Variants in CDH11 observed in about 807,000 individuals in gnomAD.
CDH11 encodes cadherin-11.
Under a neutral mutation model 67.8 loss-of-function variants are expected in CDH11, and 11 were observed. The ratio of observed to expected loss-of-function variants is 0.16; its 90% CI spans 0.10 to 0.27. The LOEUF (loss-of-function observed/expected upper bound fraction) is 0.27, where lower values mean the gene tolerates loss of function less well. CDH11 is among the 10% of genes least tolerant of loss of function. The pLI is 1.00. For missense variants in CDH11, 847 were observed against 1,031.2 expected, an observed-to-expected ratio of 0.82 and a Z score of 2.45; for synonymous variants, 419 against 400.0, an observed-to-expected ratio of 1.05 and a Z score of -0.57.
chr16:65,080,587 G>A (rs957494775), intron 1 of CDH11, among the ~76,000 whole-genome samples: 6 of 152,160 alleles, frequency 3.9e-5, no homozygotes, highest in Admixed American at 6.5e-5. Context: ...ATGTGAGCAC[G>A]TGTACATGTA....
intron 4 of CDH11, among the ~76,000 whole-genome samples, chr16:64,993,698 G>A (rs2072689502): frequency 6.6e-6 from 1 of 152,100 alleles, no homozygotes; most frequent in South Asian, 2.1e-4. Context: ...AGAACGAAGG[G>A]AAACCAGGAA....
intron 2 of CDH11, among the ~76,000 whole-genome samples, chr16:65,052,804 A>C (rs1216539554): frequency 1.3e-5 from 2 of 152,238 alleles, no homozygotes; most frequent in African/African-American, 2.4e-5. Context: ...GAGAAAAAAC[A>C]TTTGACTTGC....
rs762065441 is a variant in CDH11, at chr16:65,097,182, C to A, written c.-298+24698G>T. On this transcript the variant is annotated intron_variant, in intron 1 of 12. Transcript: ENST00000268603. Reference sequence around the variant, plus strand: ...TGGGAAAAACATATTTGTAAGTTTTCAAAATTGATAGAGAAGTGACAATAG... The same window carrying A: ...TGGGAAAAACATATTTGTAAGTTTTAAAAATTGATAGAGAAGTGACAATAG... Among the ~76,000 whole-genome samples the A allele has an allele frequency of 1.1e-4, 17 of 152,140 alleles. No individual in the cohort carries two copies. The South Asian group carries it at 1.9e-3, about 17-fold the overall frequency.
chr16:65,071,048 T>A (rs1231922401), intron 1 of CDH11, among the ~76,000 whole-genome samples: 3 of 152,170 alleles, frequency 2.0e-5, no homozygotes, highest in Non-Finnish European at 4.4e-5. Flanking sequence ...CCGACTGAAC[T>A]CTTCATTCAT....
At chr16:65,086,336 T>C (rs2074698559) in intron 1 of CDH11, among the ~76,000 whole-genome samples, 1 of 152,184 alleles carries the variant, frequency 6.6e-6, no homozygotes, top group Non-Finnish European at 1.5e-5. Context: ...GCACGGCTCT[T>C]TAAAGCCACC....
intron 11 of CDH11, among the ~76,000 whole-genome samples, chr16:64,966,016 A>G (rs763159538): frequency 1.3e-5 from 2 of 152,148 alleles, no homozygotes; most frequent in Non-Finnish European, 2.9e-5. Flanking sequence ...AAAAAAAAAG[A>G]AGTACAGTGG....
intron 2 of CDH11, among the ~76,000 whole-genome samples, chr16:65,028,627 C>A (rs948513431): frequency 5.3e-5 from 8 of 152,138 alleles, no homozygotes; most frequent in African/African-American, 1.9e-4. Flanking sequence ...GCAGCTAAAT[C>A]CTACTTTACA....
At chr16:65,112,370 G>A (rs965764938) in intron 1 of CDH11, among the ~76,000 whole-genome samples, 1 of 152,166 alleles carries the variant, frequency 6.6e-6, no homozygotes, top group Admixed American at 6.5e-5. Context: ...TCATGTAGGA[G>A]TAGAATTCTG....
intron 8 of CDH11, 62 bp from the exon 9 acceptor site, chr16:64,973,102 AT>A: frequency 6.9e-7 from 1 of 1,455,196 alleles, no homozygotes; most frequent in Admixed American, 1.9e-5. Flanking sequence ...ATATTTGAAT[AT>A]TTTCTCCATG....
At chr16:64,994,441 G>A (rs145931358) in intron 4 of CDH11, among the ~76,000 whole-genome samples, 1,528 of 152,270 alleles carry the variant, frequency 0.01, 9 homozygotes, top group Non-Finnish European at 0.015. Context: ...TAAAAACTTA[G>A]AAAGGTATAA....
In CDH11 at chr16:64,998,751, C is replaced by A; in HGVS notation, c.334G>T (p.Ala112Ser). The change falls in exon 4 of 13, where the codon GCC (alanine) becomes TCC (serine). Residue 112 changes from alanine to serine, a missense_variant. This residue lies in a region of CDH11 where 235 missense variants were observed against 352.5 expected (regional missense o/e 0.67). Coordinates refer to ENST00000268603, the MANE Select transcript of CDH11 (RefSeq NM_001797.4). ...VIDDKSGNIH[A>S]TKTLDREERA... ...TCTTCTCGATCCAACGTCTTGGTGGCATGAATGTTCCCTGATTTGTCATCA... is the reference window on the plus strand; with the variant it reads ...TCTTCTCGATCCAACGTCTTGGTGGAATGAATGTTCCCTGATTTGTCATCA... 5.0e-6 allele frequency: 8 copies of A among 1,614,136 alleles called. No homozygotes were observed. Among genetic ancestry groups the A allele is most frequent in the Non-Finnish European group, 5.9e-6 (7 of 1,180,026 alleles).
At chr16:65,096,361 T>C (rs2074890342) in intron 1 of CDH11, among the ~76,000 whole-genome samples, 1 of 151,804 alleles carries the variant, frequency 6.6e-6, no homozygotes, top group African/African-American at 2.4e-5. Flanking sequence ...CAGACTACTA[T>C]ATGCTAAAAT....
chr16:64,951,102 ACT>A, intron 11 of CDH11, 84 bp from the exon 12 acceptor site: 1 of 1,354,482 alleles, frequency 7.4e-7, no homozygotes, highest in Non-Finnish European at 1.0e-6. Context: ...ATTTGAGGGC[ACT>A]CTCTTATCAT....
chr16:64,988,537 C>T (rs149307020), intron 6 of CDH11, among the ~76,000 whole-genome samples, 193 bp from the exon 7 acceptor site: 195 of 152,190 alleles, frequency 1.3e-3, no homozygotes, highest in African/African-American at 4.4e-3. Context: ...ATGTGTTCTA[C>T]GAAGGGTGAT....
At chr16:65,122,311 C>A (rs1300834789), upstream of CDH11, 32 of 305,324 alleles carry the variant, frequency 1.0e-4, no homozygotes, top group South Asian at 9.9e-4. Context: ...TTCGTGGCCG[C>A]CCCTCCCGCC....
chr16:65,123,736 C>T, upstream of CDH11: 1 of 152,634 alleles, frequency 6.6e-6, no homozygotes, highest in Non-Finnish European at 1.5e-5. Context: ...GCGCTGCGTG[C>T]CTGCCCCCAG....
intron 2 of CDH11, among the ~76,000 whole-genome samples, chr16:65,041,224 T>C (rs1392911979): frequency 6.6e-6 from 1 of 152,154 alleles, no homozygotes; most frequent in Non-Finnish European, 1.5e-5. Flanking sequence ...CCGTATTTTC[T>C]TTCTCCTCCA....
intron 11 of CDH11, among the ~76,000 whole-genome samples, chr16:64,970,852 G>C (rs2071984956): frequency 6.6e-6 from 1 of 152,128 alleles, no homozygotes; most frequent in Admixed American, 6.6e-5. Context: ...TCACTACCAA[G>C]TAATGGACAG....
At chr16:64,977,269 A>G (rs1163607899) in intron 8 of CDH11, among the ~76,000 whole-genome samples, 2 of 152,214 alleles carry the variant, frequency 1.3e-5, no homozygotes, top group South Asian at 2.1e-4. Flanking sequence ...CAAAGACCCA[A>G]GTAGGTGGGA....
Sources: gnomAD v4.1 joint callset for allele counts (sites outside exome capture counted in the v4.1 genomes callset) on GRCh38, gnomAD v4.1.1 for gene constraint, gnomAD v4.1.1 regional missense constraint, MANE v1.5 for transcripts, NCBI Gene and HGNC (gene_info 2026-07-23, HGNC 2026-07-21) for gene names.